Variants in FBXO48 observed in about 807,000 individuals in gnomAD.
The protein encoded by FBXO48 is F-box only protein 48.
A neutral mutation model predicts 14.3 loss-of-function variants in FBXO48; 12 were observed. The ratio of observed to expected loss-of-function variants is 0.84; its 90% confidence interval spans 0.54 to 1.36. The LOEUF (loss-of-function observed/expected upper bound fraction) is 1.36. Ranked by LOEUF, FBXO48 falls within the 40% of genes most tolerant of loss-of-function variation. The pLI, the probability that FBXO48 is intolerant of heterozygous loss-of-function variation, is 0.00. For synonymous variants in FBXO48, 53 were observed against 61.7 expected (o/e 0.86, Z 0.66); for missense variants, 177 against 179.1 (o/e 0.99, Z 0.07).
Position 68,463,705 on chromosome 2 carries a change from T to C in FBXO48, c.*504A>G, listed in dbSNP as rs1182987421. 6.5e-6 allele frequency: 1 copy of C among 153,390 alleles called. No homozygotes were observed. Among genetic ancestry groups the C allele is most frequent in the African/African-American group, 2.4e-5 (1 of 41,470 alleles). The allele number at this position is 153,390 out of a possible 1,614,324, so 9.5% of individuals were successfully genotyped here. On this transcript the variant is annotated 3_prime_UTR_variant, in exon 4 of 4. Transcript: ENST00000377957. ...TTAAAAATAGTTTCACTATTTGACA[T>C]TTCAATCTGATTCCACTGAAATAGA...
Position 68,464,849 on chromosome 2 carries a change from A to T in FBXO48, c.297T>A (p.Tyr99Ter). 6.2e-7 allele frequency: 1 copy of T among 1,610,028 alleles called. No individual in the cohort carries two copies. Among genetic ancestry groups the T allele is most frequent in the Non-Finnish European group, 8.5e-7 (1 of 1,178,072 alleles). ...REIDDDLESG[Y>*]SWRVILLRNY... is the part of the protein sequence containing the mutation. ...CAAAGATTAAACTTACCCTCCAGGAATAACCACTTTCTAGATCATCATCTA... is the reference window on the plus strand; with the variant it reads ...CAAAGATTAAACTTACCCTCCAGGATTAACCACTTTCTAGATCATCATCTA... The change falls in exon 3 of 4, where the codon TAT becomes TAA. Residue 99 changes from tyrosine (Y) to a stop codon, truncating the protein, a stop_gained. Transcript: ENST00000377957. LOFTEE classifies it high-confidence loss of function.
rs1389467879 is a variant in FBXO48 at position 68,461,986 on chromosome 2, G to A, written c.*2223C>T. The A allele has an allele frequency of 6.6e-6, 1 of 152,028 alleles. No individual in the cohort carries two copies. Among genetic ancestry groups the A allele is most frequent in the East Asian group, 1.9e-4 (1 of 5,140 alleles). The allele number at this position is 152,028 out of a possible 1,614,324, so 9.4% of individuals were successfully genotyped here. On this transcript the variant is annotated 3_prime_UTR_variant, in exon 4 of 4. Coordinates refer to ENST00000377957, the MANE Select transcript of FBXO48 (RefSeq NM_001024680.3). ...GGAGGTGGAGGTTGCAGTGGGCCAAGATCATGCCACTGCACTCCAGCCTGG... is the reference window on the plus strand; with the variant it reads ...GGAGGTGGAGGTTGCAGTGGGCCAAAATCATGCCACTGCACTCCAGCCTGG...
chr2:68,464,714 G>C (rs888834775), intron 3 of FBXO48, 126 bp downstream of exon 3: 3 of 717,416 alleles, frequency 4.2e-6, no homozygotes, highest in Admixed American at 4.7e-5. Flanking sequence ...ATTTCCAAGA[G>C]TCAACACACT....
chr2:68,461,234 G>T lies in FBXO48; in HGVS notation c.*2975C>A, dbSNP rs1675253522. 1 of 149,206 alleles carries T rather than the reference G, an allele frequency of 6.7e-6. No individual in the cohort carries two copies. The highest frequency in any genetic ancestry group is 2.5e-5 in the African/African-American group (1 of 39,964). 9.2% of individuals were successfully genotyped at this position (149,206 alleles called of 1,614,324 possible). ...TAATCAGGCCTCTTTCCCTGCAATT[G>T]TTCTTTCCCCTGGTGGCTCCACATT... is the stretch of plus-strand genomic sequence containing the variant. On this transcript the variant is annotated 3_prime_UTR_variant, in exon 4 of 4. Coordinates refer to ENST00000377957, the MANE Select transcript of FBXO48 (RefSeq NM_001024680.3).
At position 68,463,837 on chromosome 2, in the gene FBXO48, C is replaced by G. The variant is rs72900046; in HGVS notation, c.*372G>C. ...TAGTTATAACCACCACTTAATGAAT[C>G]TTTAAGTCAGTTTAAAGTGGCTTCC... On this transcript the variant is annotated 3_prime_UTR_variant, in exon 4 of 4. Transcript: ENST00000377957. 2,138 of 165,594 alleles carry G rather than the reference C, an allele frequency of 0.013. 58 individuals are homozygous for G. The highest frequency in any genetic ancestry group is 0.049 in the African/African-American group (2,047 of 41,766). The allele number at this position is 165,594 out of a possible 1,614,324, so 10.3% of individuals were successfully genotyped here.
Position 68,460,544 on chromosome 2 carries a change from A to G in FBXO48, c.*3665T>C, listed in dbSNP as rs1034761696. ...TGGATATATCAAATATTTTATATAT[A>G]TATATATATACTTATACTATCTTTG... is the stretch of plus-strand genomic sequence containing the variant. On this transcript the variant is annotated 3_prime_UTR_variant, in exon 4 of 4. Coordinates refer to ENST00000377957, the MANE Select transcript of FBXO48 (RefSeq NM_001024680.3). 3 of 150,438 alleles carry G rather than the reference A, an allele frequency of 2.0e-5. No individual in the cohort carries two copies. The highest frequency in any genetic ancestry group is 4.2e-4 in the South Asian group (2 of 4,804). The allele number at this position is 150,438 out of a possible 1,614,324, so 9.3% of individuals were successfully genotyped here.
chr2:68,464,247 T>C lies in FBXO48; in HGVS notation c.430A>G (p.Thr144Ala). 1 of 1,613,890 alleles carries C rather than the reference T, an allele frequency of 6.2e-7. No homozygotes were observed. Among genetic ancestry groups the C allele is most frequent in the Non-Finnish European group, 8.5e-7 (1 of 1,179,916 alleles). The change falls in exon 4 of 4, where the codon ACA becomes GCA. Residue 144 changes from threonine to alanine, a missense_variant. By Grantham distance (58) the Thr-to-Ala change is moderately conservative. Transcript: ENST00000377957. ...EKIMYPMDAD[T>A]WGEILEAELE... ...TCTGCTTCTAGAATTTCCCCCCATG[T>C]ATCTGCATCCATTGGGTACATGATT...
At position 68,464,043 on chromosome 2, in the gene FBXO48, T is replaced by C. The variant is rs1675331720; in HGVS notation, c.*166A>G. ...TACAATAAAACCAGAAAAATTTTAC[T>C]AAAGTGCAAAACAAAAATAAAGCTT... On this transcript the variant is annotated 3_prime_UTR_variant, in exon 4 of 4. Transcript: ENST00000377957. 1 of 608,590 alleles carries C rather than the reference T, an allele frequency of 1.6e-6. No individual in the cohort carries two copies. The highest frequency in any genetic ancestry group is 1.8e-5 in the African/African-American group (1 of 54,604). The allele number at this position is 608,590 out of a possible 1,614,324, so 37.7% of individuals were successfully genotyped here.
chr2:68,464,362 CAG>C lies in FBXO48; in HGVS notation c.313_314del (p.Leu105AlafsTer8). 1 of 1,613,522 alleles carries C rather than the reference CAG, an allele frequency of 6.2e-7. No individual in the cohort carries two copies. Among genetic ancestry groups the C allele is most frequent in the Non-Finnish European group, 8.5e-7 (1 of 1,179,838 alleles). Reference protein sequence around the residue: ...LESGYSWRVILLRNYQKSKVK... With the variant: ...LESGYSWRVIXLRNYQKSKVK... ...CTTTACTCTTCTGGTAATTCCTCAG[CAG>C]TATCACCTGAAAGAGGTAAATCACC... On this transcript the variant is annotated frameshift_variant, in exon 4 of 4. Transcript: ENST00000377957. LOFTEE classifies it high-confidence loss of function.
At position 68,460,959 on chromosome 2, in the gene FBXO48, T is replaced by G. The variant is rs1234254548; in HGVS notation, c.*3250A>C. On this transcript the variant is annotated 3_prime_UTR_variant, in exon 4 of 4. Coordinates refer to ENST00000377957, the MANE Select transcript of FBXO48 (RefSeq NM_001024680.3). ...GAATGCATCCAGTGGATTTAGACAT[T>G]AAGTCACTTGTAATTTGGATACCAA... 1 of 152,210 alleles carries G rather than the reference T, an allele frequency of 6.6e-6. No individual in the cohort carries two copies. The highest frequency in any genetic ancestry group is 1.5e-5 in the Non-Finnish European group (1 of 68,040). The allele number at this position is 152,210 out of a possible 1,614,324, so 9.4% of individuals were successfully genotyped here. A position where few individuals can be genotyped will look rare whatever the true frequency, so the allele number is the denominator to read the frequency against.
rs778805966 is a variant in FBXO48 at position 68,464,345 on chromosome 2, T to G, written c.332A>C (p.Lys111Thr). The change falls in exon 4 of 4, where the codon AAG becomes ACG. Residue 111 changes from lysine to threonine, a missense_variant. Lys to Thr is a moderately conservative substitution (Grantham distance 78). Transcript: ENST00000377957. ...TAGCCATTCGTGTTTCACTTTACTC[T>G]TCTGGTAATTCCTCAGCAGTATCAC... is the stretch of plus-strand genomic sequence containing the variant. ...WRVILLRNYQ[K>T]SKVKHEWLSG... 1 of 1,613,698 alleles carries G rather than the reference T, an allele frequency of 6.2e-7. No individual in the cohort carries two copies. Among genetic ancestry groups the G allele is most frequent in the East Asian group, 2.2e-5 (1 of 44,856 alleles).
At chr2:68,464,446 C>A (rs1047349574) in intron 3 of FBXO48, 76 bp from the exon 4 acceptor site, 1 of 1,294,566 alleles carries the variant, frequency 7.7e-7, no homozygotes, top group Non-Finnish European at 1.1e-6. Flanking sequence ...GCAAGAGAAG[C>A]AGATTGACAG....
chr2:68,465,238 G>C (rs892149205), intron 2 of FBXO48, 60 bp from the exon 3 acceptor site: 1 of 844,180 alleles, frequency 1.2e-6, no homozygotes. Flanking sequence ...CCTACTTTAA[G>C]TCAGATGCTT....
chr2:68,465,521 T>TA, intron 2 of FBXO48, among the ~76,000 whole-genome samples: 1 of 146,614 alleles, frequency 6.8e-6, no homozygotes. Context: ...CCGCCCCTCT[T>TA]TAAAAAAAAA....
Position 68,463,008 on chromosome 2 carries a change from T to C in FBXO48, c.*1201A>G, listed in dbSNP as rs1355223185. 2 of 152,194 alleles carry C rather than the reference T, an allele frequency of 1.3e-5. No homozygotes were observed. Among genetic ancestry groups the C allele is most frequent in the African/African-American group, 2.4e-5 (1 of 41,430 alleles). 9.4% of individuals were successfully genotyped at this position (152,194 alleles called of 1,614,324 possible). A position where few individuals can be genotyped will look rare whatever the true frequency, so the allele number is the denominator to read the frequency against. ...AAAATTACTGAATAGTCCTGGACAC[T>C]TGACTGCCTGATTTTCAAGGACTCT... On this transcript the variant is annotated 3_prime_UTR_variant, in exon 4 of 4. Coordinates refer to ENST00000377957, the MANE Select transcript of FBXO48 (RefSeq NM_001024680.3).
chr2:68,459,537 G>A lies in FBXO48; in HGVS notation c.*4672C>T, dbSNP rs1030573467. 3.9e-5 allele frequency: 6 copies of A among 152,052 alleles called. No homozygotes were observed. The highest frequency in any genetic ancestry group is 8.8e-5 in the Non-Finnish European group (6 of 68,018). The allele number at this position is 152,052 out of a possible 1,614,324, so 9.4% of individuals were successfully genotyped here. A position where few individuals can be genotyped will look rare whatever the true frequency, so the allele number is the denominator to read the frequency against. ...GACTGGAACAATTATTCATACATTT[G>A]TATTACTATCAAGCATCCCACATAC... is the stretch of plus-strand genomic sequence containing the variant. On this transcript the variant is annotated 3_prime_UTR_variant, in exon 4 of 4. Coordinates refer to ENST00000377957, the MANE Select transcript of FBXO48 (RefSeq NM_001024680.3).
intron 3 of FBXO48, 63 bp from the exon 4 acceptor site, chr2:68,464,433 A>G: frequency 6.9e-7 from 1 of 1,452,314 alleles, no homozygotes; most frequent in South Asian, 1.1e-5. Context: ...GAATGTGTTT[A>G]AAGCAAGAGA....
rs2103847951 is a variant in FBXO48 at position 68,461,124 on chromosome 2, T to TG, written c.*3084dup. 1 of 152,164 alleles carries TG rather than the reference T, an allele frequency of 6.6e-6. No individual in the cohort carries two copies. The highest frequency in any genetic ancestry group is 2.1e-4 in the South Asian group (1 of 4,808). 9.4% of individuals were successfully genotyped at this position (152,164 alleles called of 1,614,324 possible). The stretch of plus-strand genomic sequence containing the variant: ...AAATGGGCAACGAAACCACATCAGG[T>TG]GGGGGTCCCAGTATGATGGTGAAAC... On this transcript the variant is annotated 3_prime_UTR_variant, in exon 4 of 4. Coordinates refer to ENST00000377957, the MANE Select transcript of FBXO48 (RefSeq NM_001024680.3).
rs1198965675 is a variant in FBXO48, at chr2:68,463,488, A to T, written c.*721T>A. The T allele has an allele frequency of 6.6e-6, 1 of 151,858 alleles. No homozygotes were observed. Among genetic ancestry groups the T allele is most frequent in the Non-Finnish European group, 1.5e-5 (1 of 67,980 alleles). The allele number at this position is 151,858 out of a possible 1,614,324, so 9.4% of individuals were successfully genotyped here. On this transcript the variant is annotated 3_prime_UTR_variant, in exon 4 of 4. Transcript: ENST00000377957. ...TAAGAATAGCACACTAGATGGTGCT[A>T]TAAGGCTGTCAGAAAGAGAGTTTTA...
Sources: gnomAD v4.1 joint callset for allele counts (sites outside exome capture counted in the v4.1 genomes callset) on GRCh38, gnomAD v4.1.1 for gene constraint, MANE v1.5 for transcripts, NCBI Gene and HGNC (gene_info 2026-07-23, HGNC 2026-07-21) for gene names.